CPNE4: variants seen among roughly 807,000 people sequenced by gnomAD.
CPNE4 encodes the protein copine 4.
Under a neutral mutation model 67.9 loss-of-function variants are expected in CPNE4, and 25 were observed. The observed-to-expected ratio is 0.37, with a 90% CI of 0.27 to 0.51. The LOEUF (loss-of-function observed/expected upper bound fraction) is 0.51, where lower values mean the gene tolerates loss of function less well. Among genes scored for constraint, CPNE4 ranks in the 20% least tolerant of loss-of-function variants. The pLI is 0.93. For synonymous variants in CPNE4, 242 were observed against 244.9 expected (o/e 0.99, Z 0.11); for missense variants, 464 against 690.8 (o/e 0.67, Z 3.68).
chr3:131,731,094 C>T (rs1033099937), intron 2 of CPNE4, among the ~76,000 whole-genome samples: 1 of 152,174 alleles, frequency 6.6e-6, no homozygotes, highest in African/African-American at 2.4e-5. Flanking sequence ...GTCTTTCTCC[C>T]ACTTTCAATC....
chr3:131,864,826 G>C (rs894932376), intron 2 of CPNE4, among the ~76,000 whole-genome samples: 2 of 151,932 alleles, frequency 1.3e-5, no homozygotes, highest in Non-Finnish European at 2.9e-5. Context: ...CCATTCAGTA[G>C]GATATTGGCT....
intron 2 of CPNE4, among the ~76,000 whole-genome samples, chr3:131,892,635 G>A (rs1274136479): frequency 6.6e-6 from 1 of 152,030 alleles, no homozygotes; most frequent in African/African-American, 2.4e-5. Flanking sequence ...TACATTTAGT[G>A]ACTAAGGAAC....
At chr3:131,847,614 A>G (rs1267817183) in intron 2 of CPNE4, among the ~76,000 whole-genome samples, 2 of 152,232 alleles carry the variant, frequency 1.3e-5, no homozygotes, top group African/African-American at 2.4e-5. Context: ...TACAGGGGAT[A>G]TACCAATAAA....
intron 1 of CPNE4, among the ~76,000 whole-genome samples, chr3:131,992,052 C>G (rs988871896): frequency 1.5e-5 from 2 of 136,488 alleles, no homozygotes; most frequent in Non-Finnish European, 3.3e-5. Context: ...GGGGTGGAGC[C>G]CTCATGGAGA....
rs2081487865 is a variant in CPNE4 at position 131,708,969 on chromosome 3, T to TCTATATATATATATATAG, written c.361-8990_361-8989insCTATATATATATATATAG. On this transcript the variant is annotated intron_variant, in intron 3 of 15. Coordinates refer to ENST00000429747, the MANE Select transcript of CPNE4 (RefSeq NM_130808.3). ...CTGAGGGCATAAAGATATATATATA[T>TCTATATATATATATATAG]ATATATATATATATATATATATATA... Among the ~76,000 whole-genome samples, 3 of 87,504 alleles carry TCTATATATATATATATAG rather than the reference T, an allele frequency of 3.4e-5. 1 individual carries two copies. Among genetic ancestry groups the TCTATATATATATATATAG allele is most frequent in the African/African-American group, 1.5e-4 (3 of 20,060 alleles). The allele number at this position is 87,504 out of a possible 152,430, so 57.4% of individuals were successfully genotyped here. A position where few individuals can be genotyped will look rare whatever the true frequency, so the allele number is the denominator to read the frequency against.
chr3:131,693,887 T>A (rs1417473036), intron 5 of CPNE4, among the ~76,000 whole-genome samples: 2 of 152,200 alleles, frequency 1.3e-5, no homozygotes, highest in Non-Finnish European at 2.9e-5. Flanking sequence ...AGGCAATCTG[T>A]TTGAGTCCCT....
intron 2 of CPNE4, among the ~76,000 whole-genome samples, chr3:131,871,217 G>A (rs750252557): frequency 4.6e-5 from 7 of 152,062 alleles, no homozygotes; most frequent in African/African-American, 1.2e-4. Context: ...GGTGGCCAAC[G>A]GTCTTACAAT....
At chr3:131,881,039 C>CTTTA (rs1194527119) in intron 2 of CPNE4, among the ~76,000 whole-genome samples, 1 of 152,114 alleles carries the variant, frequency 6.6e-6, no homozygotes, top group African/African-American at 2.4e-5. Context: ...CACAGCTGAG[C>CTTTA]TTTAGTGTTT....
chr3:131,542,870 C>G (rs1406840748), intron 14 of CPNE4, 77 bp from the exon 15 acceptor site: 1 of 1,030,468 alleles, frequency 9.7e-7, no homozygotes, highest in Admixed American at 1.9e-5. Context: ...ACCAGTTAGA[C>G]ACCCAGGTGG....
At chr3:131,637,495 G>GA (rs1030843770) in intron 7 of CPNE4, among the ~76,000 whole-genome samples, 2 of 151,928 alleles carry the variant, frequency 1.3e-5, no homozygotes, top group South Asian at 2.1e-4. Context: ...CAAAGACAAA[G>GA]AAAAAAAATT....
chr3:131,698,961 G>C (rs2107701244), intron 4 of CPNE4, among the ~76,000 whole-genome samples: 1 of 147,068 alleles, frequency 6.8e-6, no homozygotes, highest in Admixed American at 6.8e-5. Context: ...AAAAAGGAAT[G>C]TTCAAAATAA....
intron 7 of CPNE4, among the ~76,000 whole-genome samples, chr3:131,653,395 G>A (rs570419345): frequency 6.6e-6 from 1 of 151,930 alleles, no homozygotes; most frequent in South Asian, 2.1e-4. Context: ...TGATCTGCCC[G>A]CCTCGGCCTC....
intron 7 of CPNE4, among the ~76,000 whole-genome samples, chr3:131,596,997 A>G (rs1337356927): frequency 6.6e-6 from 1 of 152,118 alleles, no homozygotes; most frequent in East Asian, 1.9e-4. Context: ...TTTCAGTGAC[A>G]CTCAATTGGT....
chr3:131,622,845 G>A (rs184676467), intron 7 of CPNE4, among the ~76,000 whole-genome samples: 3 of 152,304 alleles, frequency 2.0e-5, no homozygotes, highest in Non-Finnish European at 2.9e-5. Context: ...TGCCTCCACA[G>A]GAGTTTGCCG....
intron 1 of CPNE4, among the ~76,000 whole-genome samples, chr3:131,916,763 C>A (rs190506334): frequency 6.6e-5 from 10 of 152,136 alleles, no homozygotes; most frequent in Admixed American, 6.5e-4. Flanking sequence ...GTGGCTAGGG[C>A]AATTGAGGAG....
chr3:131,964,108 C>T (rs979615168), intron 1 of CPNE4, among the ~76,000 whole-genome samples: 3 of 152,172 alleles, frequency 2.0e-5, no homozygotes, highest in Non-Finnish European at 4.4e-5. Context: ...CTCCAGCAAA[C>T]TTCAGCAGAC....
rs866215981 is a variant in CPNE4, at chr3:131,955,422, T to C, written c.-1-49978A>G. Reference sequence around the variant, plus strand: ...TATTGTATGTAAGGTTTTTTTTTTTTTTTTTTTTTTTTGTATGCTTTCTAC... The same window carrying C: ...TATTGTATGTAAGGTTTTTTTTTTTCTTTTTTTTTTTTGTATGCTTTCTAC... On this transcript the variant is annotated intron_variant, in intron 1 of 15. Transcript: ENST00000429747. Among the ~76,000 whole-genome samples, 20 of 129,040 alleles carry C rather than the reference T, an allele frequency of 1.5e-4. 1 individual carries two copies. Among genetic ancestry groups the C allele is most frequent in the Non-Finnish European group, 1.6e-5 (1 of 62,124 alleles). 84.7% of individuals were successfully genotyped at this position (129,040 alleles called of 152,430 possible).
intron 5 of CPNE4, among the ~76,000 whole-genome samples, chr3:131,692,990 A>C (rs550641355): frequency 6.6e-6 from 1 of 152,312 alleles, no homozygotes; most frequent in South Asian, 2.1e-4. Context: ...TGTGCTTTAC[A>C]AGTTAGAAAG....
chr3:131,792,617 A>ATATATACACG (rs1560320817), intron 2 of CPNE4, among the ~76,000 whole-genome samples: 34 of 99,182 alleles, frequency 3.4e-4, no homozygotes, highest in Admixed American at 5.9e-4. Context: ...GTGTGTATAT[A>ATATATACACG]TGTATATATA....
Sources: gnomAD v4.1 joint callset for allele counts (sites outside exome capture counted in the v4.1 genomes callset) on GRCh38, gnomAD v4.1.1 for gene constraint, MANE v1.5 for transcripts, NCBI Gene and HGNC (gene_info 2026-07-23, HGNC 2026-07-21) for gene names.